The following SLC14A2 variants were observed in gnomAD, a reference collection of about 807,000 sequenced individuals.
The protein encoded by SLC14A2 is solute carrier family 14 member 2, also known as urea transporter 2.
In SLC14A2, 91 loss-of-function variants were observed where a neutral mutation model predicts 104.6. The observed-to-expected ratio is 0.87, with a 90% CI of 0.73 to 1.04. The LOEUF is 1.04. Among genes scored for constraint, SLC14A2 ranks in the 50% least tolerant of loss-of-function variants. The pLI, the probability that SLC14A2 is intolerant of heterozygous loss-of-function variation, is 0.00. For synonymous variants in SLC14A2, 476 were observed against 466.4 expected (o/e 1.02, Z -0.27); for missense variants, 1,189 against 1,156.0 (o/e 1.03, Z -0.41).
intron 1 of SLC14A2, among the ~76,000 whole-genome samples, chr18:45,286,281 G>A (rs2084813855): frequency 1.3e-5 from 2 of 152,166 alleles, no homozygotes; most frequent in South Asian, 4.1e-4. Flanking sequence ...ACATGGCCTT[G>A]ATTCAATCCT....
At chr18:45,427,452 G>T (rs2086450739) in intron 1 of SLC14A2, among the ~76,000 whole-genome samples, 1 of 152,124 alleles carries the variant, frequency 6.6e-6, no homozygotes, top group Admixed American at 6.6e-5. Context: ...CCACCCTGAA[G>T]TTCCTCCTGA....
At chr18:45,457,417 G>C (rs2086963630) in intron 1 of SLC14A2, among the ~76,000 whole-genome samples, 1 of 152,136 alleles carries the variant, frequency 6.6e-6, no homozygotes, top group Admixed American at 6.5e-5. Flanking sequence ...ATGTGCAGAG[G>C]GGAACAAATA....
chr18:45,457,983 G>GACAC (rs1422561238), intron 1 of SLC14A2, among the ~76,000 whole-genome samples: 2 of 152,180 alleles, frequency 1.3e-5, no homozygotes, highest in Admixed American at 1.3e-4. Context: ...GGAAGCTGCA[G>GACAC]ACACACACAT....
At chr18:45,603,050 CACTGAATCT>C (rs2044815260) in intron 2 of SLC14A2, among the ~76,000 whole-genome samples, 1 of 151,894 alleles carries the variant, frequency 6.6e-6, no homozygotes, top group South Asian at 2.1e-4. Flanking sequence ...GCTTTTTTTT[CACTGAATCT>C]ACTGAATCAA....
intron 1 of SLC14A2, among the ~76,000 whole-genome samples, chr18:45,403,829 C>A (rs1433512134): frequency 6.6e-6 from 1 of 151,842 alleles, no homozygotes; most frequent in Middle Eastern, 3.4e-3. Flanking sequence ...CACCTAGCTC[C>A]CCTGCTTAAG....
intron 1 of SLC14A2, among the ~76,000 whole-genome samples, chr18:45,273,778 C>A (rs1377335160): frequency 1.3e-5 from 2 of 152,102 alleles, no homozygotes; most frequent in Non-Finnish European, 2.9e-5. Flanking sequence ...TTGGGTGACA[C>A]AAAATTCTCT....
At position 45,641,652 on chromosome 18, in the gene SLC14A2, CTG is replaced by C. The variant is rs1458118950; in HGVS notation, c.1126+311_1126+312del. Reference sequence around the variant, plus strand: ...CTCTCTATAACTCTTCATTCAACAACTGTTTATACAACACCATCAAGTGCCAG... The same window carrying C: ...CTCTCTATAACTCTTCATTCAACAACTTTATACAACACCATCAAGTGCCAG... On this transcript the variant is annotated intron_variant, in intron 8 of 19. Transcript: ENST00000255226. 2.0e-5 allele frequency among the ~76,000 whole-genome samples: 3 copies of C among 152,220 alleles called. No homozygotes were observed. The South Asian group carries it at 6.2e-4, about 31-fold the overall frequency.
intron 2 of SLC14A2, among the ~76,000 whole-genome samples, chr18:45,553,471 C>G (rs1460223876): frequency 6.6e-6 from 1 of 152,086 alleles, no homozygotes; most frequent in Non-Finnish European, 1.5e-5. Flanking sequence ...AGCAGGGATT[C>G]CTAACTTAGC....
chr18:45,225,168 A>G (rs1042470511), intron 1 of SLC14A2, among the ~76,000 whole-genome samples: 1 of 152,176 alleles, frequency 6.6e-6, no homozygotes, highest in Non-Finnish European at 1.5e-5. Flanking sequence ...TAATTTTTGT[A>G]TAAGGTGTAA....
chr18:45,661,519 T>C (rs879662615), intron 10 of SLC14A2, among the ~76,000 whole-genome samples: 3 of 152,198 alleles, frequency 2.0e-5, no homozygotes, highest in Non-Finnish European at 2.9e-5. Context: ...CAAATGCAAT[T>C]CCTAGCTTTG....
Position 45,443,547 on chromosome 18 carries a change from G to A in SLC14A2, c.-124-39686G>A, listed in dbSNP as rs944511948. ...AGATAGGTCAGATAATTTCTTGATG[G>A]CCATCTTGATTTACACAGAAAGGCA... On this transcript the variant is annotated intron_variant, in intron 1 of 20. Transcript: ENST00000586448. Among the ~76,000 whole-genome samples the A allele has an allele frequency of 1.1e-4, 17 of 152,034 alleles. No homozygotes were observed. In the East Asian group the frequency reaches 2.7e-3, roughly 24 times the overall value.
the SLC14A2 span, among the ~76,000 whole-genome samples, chr18:45,207,111 C>A: frequency 6.6e-6 from 1 of 152,084 alleles, no homozygotes; most frequent in African/African-American, 2.4e-5. Context: ...ACTACTAGAG[C>A]ATATCTGTGT....
the SLC14A2 span, among the ~76,000 whole-genome samples, chr18:45,200,265 C>T: frequency 6.6e-6 from 1 of 152,136 alleles, no homozygotes; most frequent in African/African-American, 2.4e-5. Context: ...GCCTAAGCCA[C>T]AACCTAATTG....
intron 1 of SLC14A2, among the ~76,000 whole-genome samples, chr18:45,358,897 G>A (rs1389743877): frequency 2.0e-5 from 3 of 152,142 alleles, no homozygotes; most frequent in East Asian, 3.8e-4. Context: ...ACAATTAAAT[G>A]TACAATGTAT....
chr18:45,317,249 AATAG>A (rs2085138712), intron 1 of SLC14A2, among the ~76,000 whole-genome samples: 2 of 152,318 alleles, frequency 1.3e-5, no homozygotes, highest in Admixed American at 1.3e-4. Context: ...CAAGCATAGA[AATAG>A]ATAGTGAAGA....
At chr18:45,607,680 T>C (rs2044894237) in intron 2 of SLC14A2, among the ~76,000 whole-genome samples, 1 of 152,214 alleles carries the variant, frequency 6.6e-6, no homozygotes, top group Non-Finnish European at 1.5e-5. Flanking sequence ...CTTATTATCT[T>C]CTTAATGTCT....
At chr18:45,364,734 C>T (rs1190110639) in intron 1 of SLC14A2, among the ~76,000 whole-genome samples, 1 of 152,144 alleles carries the variant, frequency 6.6e-6, no homozygotes. Context: ...GTGCTTGGCA[C>T]CTAGCAAGCA....
intron 1 of SLC14A2, among the ~76,000 whole-genome samples, chr18:45,256,005 A>G (rs2084474077): frequency 6.6e-6 from 1 of 152,162 alleles, no homozygotes; most frequent in African/African-American, 2.4e-5. Context: ...TGGGGCAGTC[A>G]TTGTACTTTT....
intron 2 of SLC14A2, among the ~76,000 whole-genome samples, chr18:45,598,699 C>T (rs566469004): frequency 4.0e-4 from 61 of 152,240 alleles, no homozygotes; most frequent in African/African-American, 1.4e-3. Flanking sequence ...AGAGGTGGGT[C>T]TGCATTGGCG....
Sources: allele counts gnomAD v4.1 joint callset (sites outside exome capture counted in the v4.1 genomes callset), GRCh38; gene constraint gnomAD v4.1.1; transcripts MANE v1.5; gene names NCBI Gene and HGNC (gene_info 2026-07-23, HGNC 2026-07-21).